The following NR4A3 variants were observed in gnomAD, a reference collection of about 807,000 sequenced individuals.
NR4A3 encodes chondrosarcoma, extraskeletal myxoid, fused to EWS.
NR4A3 carries 13 observed loss-of-function variants against 55.6 expected under a neutral mutation model. The observed-to-expected ratio is 0.23, with a 90% CI of 0.15 to 0.37. The LOEUF is 0.37. NR4A3 is among the 10% of genes least tolerant of loss of function. NR4A3 has a pLI of 1.00. For synonymous variants in NR4A3, 342 were observed against 357.9 expected (o/e 0.96, Z 0.50); for missense variants, 646 against 822.8 (o/e 0.79, Z 2.63).
intron 6 of NR4A3, 146 bp from the exon 7 acceptor site, chr9:99,847,291 A>AG (rs1355390186): frequency 4.8e-5 from 34 of 701,180 alleles, no homozygotes; most frequent in Non-Finnish European, 7.6e-5. Flanking sequence ...AGTCTTATTC[A>AG]TTGTGGGTAT....
At chr9:99,850,893 C>CT (rs2118134713) in intron 7 of NR4A3, among the ~76,000 whole-genome samples, 1 of 152,328 alleles carries the variant, frequency 6.6e-6, no homozygotes, top group East Asian at 1.9e-4. Context: ...ATGCCTTCCC[C>CT]TACCCCTTGG....
At chr9:99,844,922 C>A in intron 6 of NR4A3, 74 bp downstream of exon 6, 2 of 1,159,920 alleles carry the variant, frequency 1.7e-6, no homozygotes, top group Non-Finnish European at 2.6e-6. Context: ...GTAACTGAAT[C>A]ATTGGTGAAA....
At chr9:99,826,915 AAACC>A in intron 2 of NR4A3, 1 of 1,072,410 alleles carries the variant, frequency 9.3e-7, no homozygotes, top group Admixed American at 2.2e-5. Context: ...TGGCTCAGAA[AAACC>A]AACCACCAAA....
intron 5 of NR4A3, among the ~76,000 whole-genome samples, chr9:99,841,165 AG>A (rs1391696963): frequency 1.3e-5 from 2 of 148,730 alleles, no homozygotes; most frequent in African/African-American, 5.0e-5. Context: ...CGGGAGGCAG[AG>A]GTTGCAGTGA....
chr9:99,828,184 A>G lies in NR4A3; in HGVS notation c.142A>G (p.Thr48Ala). ...LTMDLGSTEI[T>A]ATATTSLPSI... ...CATGGACCTTGGCAGCACTGAGATC[A>G]CGGCTACAGCCACCACGTCCCTGCC... The change falls in exon 3 of 8, where the codon ACG becomes GCG. Residue 48 changes from threonine to alanine, a missense_variant. By Grantham distance (58) the Thr-to-Ala change is moderately conservative. Around this residue, in one of 5 missense-constraint regions of NR4A3, gnomAD observed 426 missense variants for 429.4 expected, o/e 0.99. Transcript: ENST00000395097. The surrounding 1 kb of genome is among the most constrained non-coding windows in gnomAD (Gnocchi z 7.7). The G allele has an allele frequency of 6.2e-7, 1 of 1,614,036 alleles. No homozygotes were observed. The highest frequency in any genetic ancestry group is 2.2e-5 in the East Asian group (1 of 44,880).
chr9:99,836,510 G>T (rs1827562288), intron 5 of NR4A3, among the ~76,000 whole-genome samples: 2 of 152,232 alleles, frequency 1.3e-5, no homozygotes, highest in African/African-American at 4.8e-5. Context: ...TCTAAGCTGG[G>T]ATTTACTGTT....
chr9:99,834,990 A>G, intron 5 of NR4A3: 1 of 908,022 alleles, frequency 1.1e-6, no homozygotes. Flanking sequence ...AAATCCCAAC[A>G]CTGTCCTTTA....
intron 5 of NR4A3, among the ~76,000 whole-genome samples, chr9:99,838,060 T>C (rs1827590821): frequency 6.6e-6 from 1 of 152,238 alleles, no homozygotes; most frequent in Non-Finnish European, 1.5e-5. Context: ...CAGATCATTG[T>C]ACATCAGTGC....
intron 5 of NR4A3, among the ~76,000 whole-genome samples, chr9:99,836,791 T>C (rs529599290): frequency 6.6e-6 from 1 of 152,354 alleles, no homozygotes; most frequent in East Asian, 1.9e-4. Flanking sequence ...CCCATACTGT[T>C]TTCCATAATG....
chr9:99,824,847 C>T (rs1186702126), intron 1 of NR4A3, among the ~76,000 whole-genome samples: 1 of 152,196 alleles, frequency 6.6e-6, no homozygotes, highest in African/African-American at 2.4e-5. Context: ...GGTCCCGGAG[C>T]TGCGCTCGGC....
At chr9:99,829,197 C>T (rs906141903) in intron 3 of NR4A3, among the ~76,000 whole-genome samples, 2 of 152,228 alleles carry the variant, frequency 1.3e-5, no homozygotes, top group Non-Finnish European at 2.9e-5. Context: ...CCACCCCAGA[C>T]GGACTCCGGG....
In NR4A3 at chr9:99,853,272, G is replaced by C. The variant is rs1202290074; in HGVS notation, c.1633+5657G>C. On this transcript the variant is annotated intron_variant, in intron 7 of 7. Transcript: ENST00000395097. ...GCTGTCTTGCTAAGAATCCATAAAA[G>C]TGTTCATGCATCCCTGCAACTGAAT... Among the ~76,000 whole-genome samples the C allele has an allele frequency of 3.3e-5, 5 of 150,150 alleles. No homozygotes were observed. The East Asian group carries it at 9.7e-4, about 29-fold the overall frequency.
At chr9:99,834,857 CTGATTA>C (rs1381192731) in intron 5 of NR4A3, 9 of 984,354 alleles carry the variant, frequency 9.1e-6, no homozygotes, top group Middle Eastern at 5.2e-4. Context: ...GACTCTTATT[CTGATTA>C]TAAGTAGTGG....
rs1305923239 is a variant in NR4A3 at position 99,864,662 on chromosome 9, G to A, written c.*795G>A. ...CAAGACTTTTAGGCCATTCTTGATG[G>A]AACCAGATCCCTGCCCTGACTGTCC... On this transcript the variant is annotated 3_prime_UTR_variant, in exon 8 of 8. Coordinates refer to ENST00000395097, the MANE Select transcript of NR4A3 (RefSeq NM_006981.4). 1.3e-5 allele frequency: 3 copies of A among 228,390 alleles called. No individual in the cohort carries two copies. Among genetic ancestry groups the A allele is most frequent in the African/African-American group, 6.6e-5 (3 of 45,184 alleles). The allele number at this position is 228,390 out of a possible 1,614,324, so 14.1% of individuals were successfully genotyped here.
chr9:99,853,222 T>C (rs1043331366), intron 7 of NR4A3, among the ~76,000 whole-genome samples: 1 of 152,174 alleles, frequency 6.6e-6, no homozygotes, highest in African/African-American at 2.4e-5. Flanking sequence ...TTATTATTTG[T>C]TTTACACACT....
chr9:99,834,979 A>G, intron 5 of NR4A3: 1 of 963,710 alleles, frequency 1.0e-6, no homozygotes, highest in Non-Finnish European at 1.2e-6. Flanking sequence ...GGCCTAGATG[A>G]AAATCCCAAC....
At chr9:99,824,044 G>A (rs1009447527) in intron 1 of NR4A3, among the ~76,000 whole-genome samples, 1 of 152,124 alleles carries the variant, frequency 6.6e-6, no homozygotes, top group East Asian at 1.9e-4. Flanking sequence ...CTTTGACAGA[G>A]GTAGTTATTT....
intron 7 of NR4A3, among the ~76,000 whole-genome samples, chr9:99,860,344 TTTTG>T (rs1160861929): frequency 6.6e-6 from 1 of 152,218 alleles, no homozygotes; most frequent in Non-Finnish European, 1.5e-5. Context: ...TTTTCCAGTT[TTTTG>T]TTTGTTTGCT....
intron 3 of NR4A3, among the ~76,000 whole-genome samples, chr9:99,831,087 G>A (rs1021643998): frequency 2.0e-5 from 3 of 152,172 alleles, no homozygotes; most frequent in Non-Finnish European, 4.4e-5. Context: ...GACATGAAGT[G>A]CAGTTAATGA....
Sources: allele counts gnomAD v4.1 joint callset (sites outside exome capture counted in the v4.1 genomes callset), GRCh38; gene constraint gnomAD v4.1.1; regional missense constraint gnomAD v4.1.1; non-coding constraint Gnocchi (gnomAD v3.1); transcripts MANE v1.5; gene names NCBI Gene and HGNC (gene_info 2026-07-23, HGNC 2026-07-21).